The following PCDHA7 variants were observed in gnomAD, a reference collection of about 807,000 sequenced individuals.
PCDHA7 encodes protocadherin alpha-7.
PCDHA7 carries 37 observed loss-of-function variants against 57.2 expected under a neutral mutation model. The observed-to-expected ratio is 0.65, with a 90% CI of 0.50 to 0.85. The LOEUF (loss-of-function observed/expected upper bound fraction) is 0.85. Among genes scored for constraint, PCDHA7 ranks in the 40% least tolerant of loss-of-function variants. The probability of loss-of-function intolerance (pLI) is 0.00; values close to 1 mark genes in which losing one functional copy is unlikely to be tolerated. For missense variants in PCDHA7, 1,188 were observed against 1,241.8 expected, an observed-to-expected ratio of 0.96 and a Z score of 0.65; for synonymous variants, 553 against 558.8, an observed-to-expected ratio of 0.99 and a Z score of 0.15.
In PCDHA7 at chr5:140,850,519, C is replaced by T. The variant is rs2150487298; in HGVS notation, c.2355+13781C>T. On this transcript the variant is annotated intron_variant, in intron 1 of 3. Coordinates refer to ENST00000525929, the MANE Select transcript of PCDHA7 (RefSeq NM_018910.3). ...GTGTCGCTGGTGGAGAGCGGCCAGG[C>T]GCCAAAGTCATCGTCGCGGGCGTCA... 675 of 1,598,240 alleles carry T rather than the reference C, an allele frequency of 4.2e-4. 26 individuals carry two copies. In the South Asian group the frequency reaches 6.8e-3, roughly 16 times the overall value.
chr5:140,845,771 A>C (rs1034344709), intron 1 of PCDHA7, among the ~76,000 whole-genome samples: 1 of 149,762 alleles, frequency 6.7e-6, no homozygotes, highest in African/African-American at 2.4e-5. Flanking sequence ...GTTAATAGTT[A>C]TAAATTATTA....
At chr5:140,952,993 C>G (rs1273513255) in intron 1 of PCDHA7, among the ~76,000 whole-genome samples, 1 of 152,106 alleles carries the variant, frequency 6.6e-6, no homozygotes, top group Non-Finnish European at 1.5e-5. Flanking sequence ...CTCATGAGAA[C>G]TCTCTCACTA....
intron 1 of PCDHA7, chr5:140,871,170 G>A (rs2052777446): frequency 1.2e-6 from 2 of 1,613,536 alleles, no homozygotes; most frequent in Non-Finnish European, 1.7e-6. Context: ...CGAGCCCAGA[G>A]GCTGCGCTGG....
chr5:140,961,938 C>T (rs1443851298), intron 1 of PCDHA7, among the ~76,000 whole-genome samples: 3 of 151,024 alleles, frequency 2.0e-5, no homozygotes, highest in African/African-American at 7.3e-5. Flanking sequence ...GGCTGGAGTG[C>T]AGTGGCATGA....
intron 1 of PCDHA7, chr5:140,862,749 G>C: frequency 1.7e-6 from 1 of 579,636 alleles, no homozygotes; most frequent in Non-Finnish European, 3.3e-6. Flanking sequence ...GGGTGCACGC[G>C]GAGAGCGGCA....
intron 1 of PCDHA7, chr5:140,927,277 GTGCAGC>G: frequency 6.2e-7 from 1 of 1,614,016 alleles, no homozygotes; most frequent in Non-Finnish European, 8.5e-7. Flanking sequence ...TGCCGGCGAC[GTGCAGC>G]TGCACATCCC....
chr5:140,992,226 G>A lies in PCDHA7; in HGVS notation c.2503+9663G>A, dbSNP rs926605843. On this transcript the variant is annotated intron_variant, in intron 3 of 3. Coordinates refer to ENST00000525929, the MANE Select transcript of PCDHA7 (RefSeq NM_018910.3). The stretch of plus-strand genomic sequence containing the variant: ...CAGATAAACTACTCTCCCTTCCTGG[G>A]AAGAGTAAGGAAGGAAGTAGAGCTA... Among the ~76,000 whole-genome samples the A allele has an allele frequency of 5.3e-5, 8 of 152,256 alleles. No individual in the cohort carries two copies. The East Asian group carries it at 1.5e-3, about 29-fold the overall frequency.
intron 1 of PCDHA7, among the ~76,000 whole-genome samples, chr5:140,903,237 T>G (rs1191816509): frequency 1.3e-5 from 2 of 152,194 alleles, no homozygotes; most frequent in Non-Finnish European, 2.9e-5. Flanking sequence ...ACTTTTTGAT[T>G]TTTAAATTAT....
chr5:140,928,569 GCCCAGAAATGGTTCTGT>G, intron 1 of PCDHA7: 1 of 1,614,202 alleles, frequency 6.2e-7, no homozygotes, highest in Non-Finnish European at 8.5e-7. Flanking sequence ...TGTTTCCCTT[GCCCAGAAATGGTTCTGT>G]CCCAGTGGAA....
intron 1 of PCDHA7, chr5:140,969,383 C>G: frequency 6.3e-7 from 1 of 1,597,986 alleles, no homozygotes; most frequent in Non-Finnish European, 8.5e-7. Context: ...TGTTACACAT[C>G]CCCCAATATC....
intron 1 of PCDHA7, chr5:140,877,832 C>T (rs782156769): frequency 1.9e-6 from 3 of 1,591,692 alleles, no homozygotes; most frequent in African/African-American, 2.7e-5. Flanking sequence ...TTAAATCCTC[C>T]CAGTGAAGTA....
intron 1 of PCDHA7, chr5:140,882,617 T>TA: frequency 6.2e-7 from 1 of 1,614,218 alleles, no homozygotes; most frequent in Non-Finnish European, 8.5e-7. Context: ...TCTGCAGGTT[T>TA]TCCATGTGGA....
chr5:140,999,403 A>G (rs1325467300), intron 3 of PCDHA7, among the ~76,000 whole-genome samples: 7 of 152,176 alleles, frequency 4.6e-5, no homozygotes, highest in African/African-American at 1.7e-4. Context: ...TTTGCATATG[A>G]AAGAATGGGA....
intron 3 of PCDHA7, among the ~76,000 whole-genome samples, chr5:141,002,433 A>G (rs2098079655): frequency 6.6e-6 from 1 of 152,258 alleles, no homozygotes; most frequent in East Asian, 1.9e-4. Context: ...ACAGGCAATA[A>G]CCATAATAAT....
rs2150219471 is a variant in PCDHA7 at position 140,834,485 on chromosome 5, G to A, written c.102G>A (p.Ser34=). 1.2e-6 allele frequency: 2 copies of A among 1,614,120 alleles called. No homozygotes were observed. The change falls in exon 1 of 4, where the codon TCG becomes TCA. Residue 34 remains serine (S), a synonymous_variant. Transcript: ENST00000525929. ...CAGGGAGAGGCCAGCTCCACTACTC[G>A]GTCCCCGAGGAGGCTAAACATGGCA... ...WEAGRGQLHY[S]VPEEAKHGNF...
Position 140,836,082 on chromosome 5 carries a change from G to A in PCDHA7, c.1699G>A (p.Ala567Thr), listed in dbSNP as rs2150252202. The change falls in exon 1 of 4, where the codon GCG becomes ACG. Residue 567 changes from alanine (A) to threonine (T), a missense_variant. Around this residue, in one of 3 missense-constraint regions of PCDHA7, gnomAD observed 892 missense variants for 788.5 expected, o/e 1.13. Transcript: ENST00000525929. ...DENDNAPALL[A>T]PRVGGTGGAV... ...GAACGACAACGCGCCGGCACTGCTG[G>A]CGCCTCGGGTGGGTGGCACTGGTGG... 3.1e-6 allele frequency: 5 copies of A among 1,613,608 alleles called. No homozygotes were observed. The African/African-American group carries it at 5.3e-5, about 17-fold the overall frequency.
chr5:140,842,944 C>A (rs1165034372), intron 1 of PCDHA7: 1 of 1,594,432 alleles, frequency 6.3e-7, no homozygotes, highest in African/African-American at 1.3e-5. Flanking sequence ...GCGACGCGGG[C>A]GTGCCGCCTC....
chr5:140,890,341 T>C (rs2062601372), intron 1 of PCDHA7, among the ~76,000 whole-genome samples: 1 of 152,190 alleles, frequency 6.6e-6, no homozygotes, highest in Non-Finnish European at 1.5e-5. Context: ...GTTGGGATGG[T>C]TTACTATATA....
At chr5:140,966,747 C>T (rs2096048243) in intron 1 of PCDHA7, 3 of 1,426,904 alleles carry the variant, frequency 2.1e-6, no homozygotes, top group Admixed American at 5.5e-5. Flanking sequence ...GCCCGGCTGC[C>T]TCCGCCGCGG....
Sources: gnomAD v4.1 joint callset for allele counts (sites outside exome capture counted in the v4.1 genomes callset) on GRCh38, gnomAD v4.1.1 for gene constraint, gnomAD v4.1.1 regional missense constraint, MANE v1.5 for transcripts, NCBI Gene and HGNC (gene_info 2026-07-23, HGNC 2026-07-21) for gene names.